Variants in ST8SIA1 observed in about 807,000 individuals in gnomAD.
The protein encoded by ST8SIA1 is ST8 alpha-N-acetyl-neuraminide alpha-2,8-sialyltransferase 1.
Under a neutral mutation model 35.9 loss-of-function variants are expected in ST8SIA1, and 16 were observed. The ratio of observed to expected loss-of-function variants is 0.45; its 90% CI spans 0.30 to 0.68. ST8SIA1 has a LOEUF of 0.68. Ranked by LOEUF, ST8SIA1 falls within the 30% of genes least tolerant of loss-of-function variation. The pLI is 0.09. For synonymous variants in ST8SIA1, 170 were observed against 169.6 expected, an observed-to-expected ratio of 1.00 and a Z score of -0.02; for missense variants, 383 against 453.6, an observed-to-expected ratio of 0.84 and a Z score of 1.41.
chr12:22,223,851 T>C, intron 4 of ST8SIA1: 1 of 1,119,422 alleles, frequency 8.9e-7, no homozygotes. Flanking sequence ...ATAGAATGTT[T>C]CTAATTGTGC....
At chr12:22,307,298 C>G (rs1248430362) in intron 1 of ST8SIA1, among the ~76,000 whole-genome samples, 18 of 152,142 alleles carry the variant, frequency 1.2e-4, no homozygotes, top group Non-Finnish European at 2.6e-4. Flanking sequence ...AAATGTCAGT[C>G]TCCACATAAC....
At chr12:22,225,157 C>T (rs10841981) in intron 4 of ST8SIA1, among the ~76,000 whole-genome samples, 115,938 of 152,032 alleles carry the variant, frequency 0.76, 44,347 homozygotes, top group South Asian at 0.91. Context: ...GCTGACACCT[C>T]GATTTCAAAA....
rs1555157412 is a variant in ST8SIA1, at chr12:22,255,310, C to A, written c.461G>T (p.Arg154Leu). The change falls in exon 3 of 5, where the codon CGT becomes CTT. Residue 154 changes from arginine (R) to leucine (L), a missense_variant. Arg to Leu is a moderately radical substitution (Grantham distance 102, BLOSUM62 -2). Transcript: ENST00000396037. Reference protein sequence around the residue: ...GGILKKSGCGRQIDEANFVMR... With the variant: ...GGILKKSGCGLQIDEANFVMR... ...GACAAAATTTGCTTCATCTATTTGA[C>A]GGCCACAGCCACTCTTCTTCAGAAT... 6.2e-7 allele frequency: 1 copy of A among 1,614,164 alleles called. No individual in the cohort carries two copies. Among genetic ancestry groups the A allele is most frequent in the Admixed American group, 1.7e-5 (1 of 60,020 alleles).
In ST8SIA1 at chr12:22,334,594, C is replaced by A; in HGVS notation, c.-362G>T. 3.2e-6 allele frequency: 1 copy of A among 309,402 alleles called. No homozygotes were observed. Among genetic ancestry groups the A allele is most frequent in the Non-Finnish European group, 6.1e-6 (1 of 163,700 alleles). 19.2% of individuals were successfully genotyped at this position (309,402 alleles called of 1,614,324 possible). ...ATCACGGTCGCCCTCGGCGAGGGTC[C>A]GGGAGAAGGCTCGGCTCCCTCCTAA... On this transcript the variant is annotated 5_prime_UTR_variant, in exon 1 of 5. Transcript: ENST00000396037.
intron 4 of ST8SIA1, among the ~76,000 whole-genome samples, chr12:22,230,314 C>T (rs1484943559): frequency 6.6e-6 from 1 of 152,096 alleles, no homozygotes; most frequent in East Asian, 1.9e-4. Context: ...TTCTAAGAGC[C>T]TCTAGTCTTA....
At chr12:22,249,410 C>T (rs759473210) in intron 3 of ST8SIA1, among the ~76,000 whole-genome samples, 5 of 151,886 alleles carry the variant, frequency 3.3e-5, no homozygotes, top group Non-Finnish European at 7.4e-5. Context: ...TTAGTAGAGA[C>T]GGAGTTTCAC....
intron 1 of ST8SIA1, among the ~76,000 whole-genome samples, chr12:22,313,954 A>C (rs1387425325): frequency 6.6e-6 from 1 of 151,462 alleles, no homozygotes; most frequent in African/African-American, 2.4e-5. Context: ...TGTTCCATGT[A>C]GGTGTGTCTA....
chr12:22,207,285 G>A (rs1012112754), intron 4 of ST8SIA1, among the ~76,000 whole-genome samples: 2 of 152,212 alleles, frequency 1.3e-5, no homozygotes, highest in East Asian at 3.8e-4. Context: ...CTACATTTAG[G>A]TAGACACTGA....
intron 1 of ST8SIA1, among the ~76,000 whole-genome samples, chr12:22,321,302 G>A (rs1003605146): frequency 6.6e-6 from 1 of 152,194 alleles, no homozygotes; most frequent in Non-Finnish European, 1.5e-5. Flanking sequence ...CCACCTAAGA[G>A]GGCTGCCCGC....
rs529787333 is a variant in ST8SIA1, at chr12:22,319,152, G to A, written c.236+14845C>T. Among the ~76,000 whole-genome samples, 14 of 152,204 alleles carry A rather than the reference G, an allele frequency of 9.2e-5. No homozygotes were observed. The South Asian group carries it at 1.2e-3, about 14-fold the overall frequency. On this transcript the variant is annotated intron_variant, in intron 1 of 4. Transcript: ENST00000396037. ...AATATCTTCTTCATTTTGCATTTGC[G>A]AATGTTAAATGATAAGACTGTGTAG...
At chr12:22,225,668 A>G (rs779441598) in intron 4 of ST8SIA1, among the ~76,000 whole-genome samples, 26 of 152,192 alleles carry the variant, frequency 1.7e-4, no homozygotes, top group Non-Finnish European at 1.3e-4. Context: ...CAATTAAGGC[A>G]ACTCTATAAC....
At chr12:22,274,225 A>T (rs1282046224) in intron 2 of ST8SIA1, among the ~76,000 whole-genome samples, 2 of 152,226 alleles carry the variant, frequency 1.3e-5, no homozygotes, top group Non-Finnish European at 2.9e-5. Context: ...TTATCCTAAA[A>T]ATCAATGGGA....
intron 4 of ST8SIA1, among the ~76,000 whole-genome samples, chr12:22,237,896 C>G (rs1016546667): frequency 6.6e-6 from 1 of 152,054 alleles, no homozygotes; most frequent in African/African-American, 2.4e-5. Context: ...TGGACCCACT[C>G]TGCTGTATTT....
At chr12:22,251,334 G>A (rs866264345) in intron 3 of ST8SIA1, among the ~76,000 whole-genome samples, 25 of 152,202 alleles carry the variant, frequency 1.6e-4, no homozygotes, top group Middle Eastern at 3.4e-3. Flanking sequence ...ATGTGTCTGG[G>A]TCTTTTCATA....
At chr12:22,297,095 T>C (rs1866255756) in intron 1 of ST8SIA1, among the ~76,000 whole-genome samples, 1 of 152,106 alleles carries the variant, frequency 6.6e-6, no homozygotes, top group African/African-American at 2.4e-5. Flanking sequence ...AAGAACTCCA[T>C]TCAGAAACAC....
At chr12:22,241,265 G>A (rs1365418509) in intron 4 of ST8SIA1, among the ~76,000 whole-genome samples, 1 of 152,154 alleles carries the variant, frequency 6.6e-6, no homozygotes, top group Non-Finnish European at 1.5e-5. Context: ...AATCCCCAAT[G>A]TTGGAGGTGG....
chr12:22,282,557 C>T (rs1431191038), intron 2 of ST8SIA1, among the ~76,000 whole-genome samples: 1 of 152,124 alleles, frequency 6.6e-6, no homozygotes, highest in Non-Finnish European at 1.5e-5. Context: ...TGCGAAGTTC[C>T]TTGGCCATCA....
At chr12:22,254,532 G>A (rs537688190) in intron 3 of ST8SIA1, among the ~76,000 whole-genome samples, 1 of 152,216 alleles carries the variant, frequency 6.6e-6, no homozygotes, top group South Asian at 2.1e-4. Context: ...CTCTCACCCA[G>A]ATAATCCCAA....
At chr12:22,283,158 T>C (rs555428454) in intron 2 of ST8SIA1, among the ~76,000 whole-genome samples, 1 of 152,056 alleles carries the variant, frequency 6.6e-6, no homozygotes, top group Non-Finnish European at 1.5e-5. Context: ...CTATGTGGGG[T>C]GCATTAAGGA....
Sources: gnomAD v4.1 joint callset for allele counts (sites outside exome capture counted in the v4.1 genomes callset) on GRCh38, gnomAD v4.1.1 for gene constraint, MANE v1.5 for transcripts, NCBI Gene and HGNC (gene_info 2026-07-23, HGNC 2026-07-21) for gene names.